PRR12: variants seen among roughly 807,000 people sequenced by gnomAD.
PRR12 encodes proline rich 12, also known as proline-rich protein 12.
A neutral mutation model predicts 138.0 loss-of-function variants in PRR12; 12 were observed. The observed-to-expected ratio is 0.09, with a 90% CI of 0.06 to 0.14. PRR12 has a LOEUF of 0.14. PRR12 is among the 10% of genes least tolerant of loss of function. The pLI, the probability that PRR12 is intolerant of heterozygous loss-of-function variation, is 1.00. For synonymous variants in PRR12, 1,567 were observed against 1,291.7 expected (o/e 1.21, Z -4.57); for missense variants, 2,692 against 2,861.3 (o/e 0.94, Z 1.35).
Position 49,616,338 on chromosome 19 carries a change from A to C in PRR12, c.5497+119A>C. On this transcript the variant is annotated intron_variant, in intron 9 of 13. Coordinates refer to ENST00000418929, the MANE Select transcript of PRR12 (RefSeq NM_020719.3). This position sits in a 1 kb window ranked among gnomAD's most constrained non-coding sequence, Gnocchi z 4.2. The stretch of plus-strand genomic sequence containing the variant: ...CAGTAAGAACCAGTATGTTACAGAT[A>C]ATGGCAGTAGCTCACAGTCACGGGG... 3 of 897,272 alleles carry C rather than the reference A, an allele frequency of 3.3e-6. No individual in the cohort carries two copies. The highest frequency in any genetic ancestry group is 4.8e-6 in the Non-Finnish European group (3 of 618,970). The allele number at this position is 897,272 out of a possible 1,614,324, so 55.6% of individuals were successfully genotyped here.
Position 49,595,215 on chromosome 19 carries a change from C to T in PRR12, c.880C>T (p.Arg294Trp), listed in dbSNP as rs200160934. The change falls in exon 4 of 14, where the codon CGG becomes TGG. Residue 294 changes from arginine to tryptophan, a missense_variant. Around this residue, in one of 11 missense-constraint regions of PRR12, gnomAD observed 523 missense variants for 496.4 expected, o/e 1.05. Coordinates refer to ENST00000418929, the MANE Select transcript of PRR12 (RefSeq NM_020719.3). Reference protein sequence around the residue: ...RQDTVIKHYQRPASAQPPPPP... With the variant: ...RQDTVIKHYQWPASAQPPPPP... ...GGACACGGTCATCAAGCACTACCAG[C>T]GGCCAGCCAGTGCCCAGCCCCCACC... is the stretch of plus-strand genomic sequence containing the variant. The T allele has an allele frequency of 3.2e-6, 5 of 1,574,668 alleles. No homozygotes were observed. Among genetic ancestry groups the T allele is most frequent in the Admixed American group, 1.8e-5 (1 of 54,308 alleles).
Position 49,595,389 on chromosome 19 carries a change from A to C in PRR12, c.1054A>C (p.Ser352Arg), listed in dbSNP as rs776479035. The change falls in exon 4 of 14, where the codon AGC becomes CGC. Residue 352 changes from serine to arginine, a missense_variant. Coordinates refer to ENST00000418929, the MANE Select transcript of PRR12 (RefSeq NM_020719.3). ...TGGGGAGCCTAGCAAGGCTGGTCCC[A>C]GCGGAGCCACGGCTGGGGCATCTGG... is the stretch of plus-strand genomic sequence containing the variant. ...GAGEPSKAGP[S>R]GATAGASGRA... 37 of 1,541,884 alleles carry C rather than the reference A, an allele frequency of 2.4e-5. No homozygotes were observed. The South Asian group carries it at 4.3e-4, about 18-fold the overall frequency.
chr19:49,612,746 C>G (rs537044131), intron 6 of PRR12, among the ~76,000 whole-genome samples: 1 of 152,148 alleles, frequency 6.6e-6, no homozygotes, highest in South Asian at 2.1e-4. Flanking sequence ...CTCACTGCAA[C>G]CTCCACCTCC....
At chr19:49,621,808 T>G in intron 11 of PRR12, 186 bp downstream of exon 11, 2 of 590,802 alleles carry the variant, frequency 3.4e-6, no homozygotes, top group Non-Finnish European at 6.1e-6. Flanking sequence ...ATGAAGCCCA[T>G]GTGGGGAGGA....
intron 10 of PRR12, 59 bp from the exon 11 acceptor site, chr19:49,621,466 C>A: frequency 7.3e-7 from 1 of 1,376,432 alleles, no homozygotes. Flanking sequence ...ATGACCCCAC[C>A]TTGGCCCCAG....
In PRR12 at chr19:49,614,177, A is replaced by C. The variant is rs550853049; in HGVS notation, c.4774-356A>C. ...CAGACCACAACAGGACGTCTTGCTCACAACCGTACTCTCCTGTCCAGCACA... is the reference window on the plus strand; with the variant it reads ...CAGACCACAACAGGACGTCTTGCTCCCAACCGTACTCTCCTGTCCAGCACA... On this transcript the variant is annotated intron_variant, in intron 6 of 13. Coordinates refer to ENST00000418929, the MANE Select transcript of PRR12 (RefSeq NM_020719.3). This position sits in a 1 kb window ranked among gnomAD's most constrained non-coding sequence, Gnocchi z 5.0. Among the ~76,000 whole-genome samples the C allele has an allele frequency of 6.6e-6, 1 of 152,198 alleles. No homozygotes were observed. The highest frequency in any genetic ancestry group is 2.4e-5 in the African/African-American group (1 of 41,442).
Position 49,599,861 on chromosome 19 carries a change from C to A in PRR12, c.4268C>A (p.Pro1423His), listed in dbSNP as rs1189686168. ...PKDTSTPDGP[P>H]LAPAAAVPGP... is the part of the protein sequence containing the mutation. ...GACACTTCCACCCCAGATGGGCCGC[C>A]CTTGGCCCCCGCGGCTGCAGTTCCA... Residue 1423 changes from proline to histidine, a missense_variant, in exon 5 of 14, where the codon CCC (proline) becomes CAC (histidine). Around this residue, in one of 11 missense-constraint regions of PRR12, gnomAD observed 231 missense variants for 200.8 expected, o/e 1.15. Transcript: ENST00000418929. This position sits in a 1 kb window ranked among gnomAD's most constrained non-coding sequence, Gnocchi z 5.0. 6.2e-7 allele frequency: 1 copy of A among 1,613,066 alleles called. No homozygotes were observed. Among genetic ancestry groups the A allele is most frequent in the African/African-American group, 1.3e-5 (1 of 75,072 alleles).
rs574722239 is a variant in PRR12 at position 49,616,819 on chromosome 19, C to G, written c.5497+600C>G. 6.6e-6 allele frequency among the ~76,000 whole-genome samples: 1 copy of G among 152,318 alleles called. No individual in the cohort carries two copies. Among genetic ancestry groups the G allele is most frequent in the East Asian group, 1.9e-4 (1 of 5,190 alleles). On this transcript the variant is annotated intron_variant, in intron 9 of 13. Transcript: ENST00000418929. The surrounding 1 kb of genome is among the most constrained non-coding windows in gnomAD (Gnocchi z 4.2). ...ATGTCTGCCCAGCACACTGCCACAT[C>G]CTCAGTGCTTATGATGATGTCTGGT...
At chr19:49,608,151 C>T (rs1224816455) in intron 6 of PRR12, among the ~76,000 whole-genome samples, 2 of 152,066 alleles carry the variant, frequency 1.3e-5, no homozygotes, top group East Asian at 3.9e-4. Flanking sequence ...ATACTTTGTA[C>T]TCGTTGAACA....
Position 49,616,588 on chromosome 19 carries a change from G to GCACT in PRR12, c.5497+371_5497+372insCTCA, listed in dbSNP as rs2080894676. ...AGTGCTGCGTTCTGCCTCATAATAG[G>GCACT]CAAGATTTGAGGGCTGAGGAAGATG... On this transcript the variant is annotated intron_variant, in intron 9 of 13. Coordinates refer to ENST00000418929, the MANE Select transcript of PRR12 (RefSeq NM_020719.3). This position sits in a 1 kb window ranked among gnomAD's most constrained non-coding sequence, Gnocchi z 4.2. Among the ~76,000 whole-genome samples, 1 of 152,118 alleles carries GCACT rather than the reference G, an allele frequency of 6.6e-6. No homozygotes were observed. The highest frequency in any genetic ancestry group is 1.5e-5 in the Non-Finnish European group (1 of 68,030).
Position 49,596,990 on chromosome 19 carries a change from G to C in PRR12, c.2655G>C (p.Gly885=), listed in dbSNP as rs909528923. ...CAGGCGCCATGCAGGAATTGCTCGG[G>C]GCTCTGGAGCCGCTGCCCCCGGCGC... ...DPPGAMQELL[G]ALEPLPPAPG... is the part of the protein sequence containing the mutation. Residue 885 remains glycine, a synonymous_variant, in exon 4 of 14, where the codon GGG becomes GGC. Transcript: ENST00000418929. This position sits in a 1 kb window ranked among gnomAD's most constrained non-coding sequence, Gnocchi z 5.6. 3 of 1,558,164 alleles carry C rather than the reference G, an allele frequency of 1.9e-6. No homozygotes were observed. The African/African-American group carries it at 4.1e-5, about 21-fold the overall frequency.
chr19:49,596,848 C>A lies in PRR12; in HGVS notation c.2513C>A (p.Pro838Gln). The A allele has an allele frequency of 1.3e-6, 2 of 1,568,970 alleles. No homozygotes were observed. Among genetic ancestry groups the A allele is most frequent in the Non-Finnish European group, 1.7e-6 (2 of 1,161,300 alleles). Residue 838 changes from proline to glutamine, a missense_variant, in exon 4 of 14, where the codon CCG (proline) becomes CAG (glutamine). This residue lies in a region of PRR12 where 840 missense variants were observed against 689.8 expected (regional missense o/e 1.22). Transcript: ENST00000418929. The surrounding 1 kb of genome is among the most constrained non-coding windows in gnomAD (Gnocchi z 5.6). The stretch of plus-strand genomic sequence containing the variant: ...GATGGGGCACCCCAGCCACCTCCAC[C>A]GCCACCCCCGCCTCCACCACCCATG... ...TRDGAPQPPP[P>Q]PPPPPPPMPL...
intron 9 of PRR12, among the ~76,000 whole-genome samples, chr19:49,617,650 A>G (rs1185054328): frequency 3.3e-5 from 5 of 152,162 alleles, no homozygotes; most frequent in African/African-American, 1.2e-4. Context: ...CTTCTTAAAT[A>G]AATAAAAGAT....
In PRR12 at chr19:49,596,586, G is replaced by A. The variant is rs774643093; in HGVS notation, c.2251G>A (p.Ala751Thr). The stretch of plus-strand genomic sequence containing the variant: ...GGCCACCTCTGTTGTCCACTACGGG[G>A]CAGGCGCCAAGGAGCTGGGGGCCTT... ...GLATSVVHYG[A>T]GAKELGAFLQ... Residue 751 changes from alanine to threonine, a missense_variant, in exon 4 of 14, where the codon GCA (alanine) becomes ACA (threonine). Physicochemically the swap from Ala to Thr is moderately conservative, Grantham distance 58. Around this residue, in one of 11 missense-constraint regions of PRR12, gnomAD observed 840 missense variants for 689.8 expected, o/e 1.22. Transcript: ENST00000418929. This position sits in a 1 kb window ranked among gnomAD's most constrained non-coding sequence, Gnocchi z 5.6. 1.9e-6 allele frequency: 3 copies of A among 1,596,164 alleles called. No individual in the cohort carries two copies. In the Admixed American group the frequency reaches 5.2e-5, roughly 28 times the overall value.
chr19:49,608,154 G>A (rs981080657), intron 6 of PRR12, among the ~76,000 whole-genome samples: 19 of 152,062 alleles, frequency 1.2e-4, no homozygotes, highest in African/African-American at 2.7e-4. Context: ...CTTTGTACTC[G>A]TTGAACACAT....
chr19:49,606,493 G>A (rs1339066071), intron 6 of PRR12, among the ~76,000 whole-genome samples: 2 of 151,008 alleles, frequency 1.3e-5, no homozygotes, highest in Non-Finnish European at 3.0e-5. Flanking sequence ...TGTATTTTTA[G>A]GAGTTTCACT....
intron 6 of PRR12, among the ~76,000 whole-genome samples, chr19:49,605,237 C>G (rs1029688939): frequency 6.6e-6 from 1 of 152,022 alleles, no homozygotes; most frequent in African/African-American, 2.4e-5. Flanking sequence ...CCACACCCAG[C>G]CCTGCTGGCC....
rs1555742564 is a variant in PRR12 at position 49,607,361 on chromosome 19, G to GCGCACACACACACACACACACA, written c.4773+5444_4773+5445insGCACACACACACACACACACAC. 5.0e-3 allele frequency among the ~76,000 whole-genome samples: 735 copies of GCGCACACACACACACACACACA among 147,852 alleles called. 5 individuals carry two copies. The highest frequency in any genetic ancestry group is 7.1e-3 in the Middle Eastern group (2 of 282). ...GAGTGAGCCTCTGTCATGTACGTGT[G>GCGCACACACACACACACACACA]CACACACACACACACACACAGAGTT... On this transcript the variant is annotated intron_variant, in intron 6 of 13. Transcript: ENST00000418929.
At position 49,597,186 on chromosome 19, in the gene PRR12, G is replaced by C; in HGVS notation, c.2851G>C (p.Glu951Gln). ...GGAGCGCAGCTTCTTCCCCACCATG[G>C]AGGAGATGTTCGGTGGAGGGGCCGC... ...DEERSFFPTM[E>Q]EMFGGGAADD... is the part of the protein sequence containing the mutation. The change falls in exon 4 of 14, where the codon GAG (glutamate) becomes CAG (glutamine). Residue 951 changes from glutamate to glutamine, a missense_variant. Glu to Gln is a conservative substitution (Grantham distance 29). Coordinates refer to ENST00000418929, the MANE Select transcript of PRR12 (RefSeq NM_020719.3). This position sits in a 1 kb window ranked among gnomAD's most constrained non-coding sequence, Gnocchi z 6.3. The C allele has an allele frequency of 6.4e-7, 1 of 1,555,996 alleles. No homozygotes were observed. The highest frequency in any genetic ancestry group is 1.2e-5 in the South Asian group (1 of 84,448).
Sources: allele counts gnomAD v4.1 joint callset (sites outside exome capture counted in the v4.1 genomes callset), GRCh38; gene constraint gnomAD v4.1.1; regional missense constraint gnomAD v4.1.1; non-coding constraint Gnocchi (gnomAD v3.1); transcripts MANE v1.5; gene names NCBI Gene and HGNC (gene_info 2026-07-23, HGNC 2026-07-21).